The following ZC3H14 variants were observed in gnomAD, a reference collection of about 807,000 sequenced individuals.
ZC3H14 encodes zinc finger CCCH domain-containing protein 14.
Under a neutral mutation model 92.4 loss-of-function variants are expected in ZC3H14, and 31 were observed. That is an observed-to-expected ratio of 0.34 (90% CI 0.25 to 0.45). The LOEUF (loss-of-function observed/expected upper bound fraction) is 0.45. Ranked by LOEUF, ZC3H14 falls within the 20% of genes least tolerant of loss-of-function variation. The pLI is 1.00. For synonymous variants in ZC3H14, 321 were observed against 300.9 expected, an observed-to-expected ratio of 1.07 and a Z score of -0.69; for missense variants, 781 against 897.3, an observed-to-expected ratio of 0.87 and a Z score of 1.66.
chr14:88,568,708 T>TCTTGC (rs1021280151), intron 3 of ZC3H14, among the ~76,000 whole-genome samples: 1 of 152,222 alleles, frequency 6.6e-6, no homozygotes, highest in African/African-American at 2.4e-5. Flanking sequence ...CCTGGCTGTG[T>TCTTGC]CTTGCCTTGG....
In ZC3H14 at chr14:88,616,524, G is replaced by A; in HGVS notation, c.*4773G>A. 1 of 610,808 alleles carries A rather than the reference G, an allele frequency of 1.6e-6. No individual in the cohort carries two copies. The highest frequency in any genetic ancestry group is 2.8e-6 in the Non-Finnish European group (1 of 355,710). The allele number at this position is 610,808 out of a possible 1,614,324, so 37.8% of individuals were successfully genotyped here. On this transcript the variant is annotated 3_prime_UTR_variant, in exon 17 of 17. Coordinates refer to ENST00000251038, the MANE Select transcript of ZC3H14 (RefSeq NM_024824.5). ...TGGTGAAAAGCTAATTACAGCTTTT[G>A]TAGGATGGTTCCAAAGATGGTATTA... is the stretch of plus-strand genomic sequence containing the variant.
chr14:88,567,862 T>G (rs535566127), intron 2 of ZC3H14, 177 bp from the exon 3 acceptor site: 1 of 662,670 alleles, frequency 1.5e-6, no homozygotes, highest in Admixed American at 2.1e-5. Context: ...TTCTAGTATT[T>G]GAAATACCTG....
At chr14:88,563,723 A>G (rs372731139) in intron 2 of ZC3H14, 30 bp downstream of exon 2, 3 of 1,602,006 alleles carry the variant, frequency 1.9e-6, no homozygotes, top group Non-Finnish European at 2.6e-6. Flanking sequence ...TTAGTCTTAC[A>G]GAATTTAGAG....
Position 88,625,024 on chromosome 14 carries a change from G to A in ZC3H14, c.*13273G>A, listed in dbSNP as rs1419617271. On this transcript the variant is annotated 3_prime_UTR_variant, in exon 17 of 17. Transcript: ENST00000251038. Reference sequence around the variant, plus strand: ...TCCATCTCGCAGGGTGGTGTACATGGCAAACACAGGCCCGTTGTGAGCTCT... The same window carrying A: ...TCCATCTCGCAGGGTGGTGTACATGACAAACACAGGCCCGTTGTGAGCTCT... 19 of 1,613,684 alleles carry A rather than the reference G, an allele frequency of 1.2e-5. No homozygotes were observed. The highest frequency in any genetic ancestry group is 1.5e-5 in the Non-Finnish European group (18 of 1,179,712).
intron 14 of ZC3H14, 99 bp from the exon 15 acceptor site, chr14:88,609,613 T>G: frequency 6.9e-7 from 1 of 1,459,066 alleles, no homozygotes. Flanking sequence ...CATTCTAATT[T>G]AAAAATGGTT....
At chr14:88,582,310 G>A (rs2081999025) in intron 9 of ZC3H14, among the ~76,000 whole-genome samples, 1 of 152,208 alleles carries the variant, frequency 6.6e-6, no homozygotes. Context: ...CCAGCAGTCA[G>A]TTTGCAAGAA....
chr14:88,572,111 A>G lies in ZC3H14; in HGVS notation c.317A>G (p.Asp106Gly), dbSNP rs760433767. 6.2e-7 allele frequency: 1 copy of G among 1,614,114 alleles called. No individual in the cohort carries two copies. Among genetic ancestry groups the G allele is most frequent in the Non-Finnish European group, 8.5e-7 (1 of 1,180,034 alleles). ...PSNKSNFSRG[D>G]ERRHEAAVPP... is the part of the protein sequence containing the mutation. ...AACAAGAGCAATTTCAGTCGGGGAGATGAGAGGAGGCATGAAGCTGCAGTG... is the reference window on the plus strand; with the variant it reads ...AACAAGAGCAATTTCAGTCGGGGAGGTGAGAGGAGGCATGAAGCTGCAGTG... Residue 106 changes from aspartate (D) to glycine (G), a missense_variant, in exon 5 of 17, where the codon GAT (aspartate) becomes GGT (glycine). Transcript: ENST00000251038.
chr14:88,599,719 C>T (rs1028153588), intron 10 of ZC3H14, among the ~76,000 whole-genome samples: 1 of 152,326 alleles, frequency 6.6e-6, no homozygotes. Flanking sequence ...TTTGCTCTCT[C>T]CCACCTTCAG....
rs752946288 is a variant in ZC3H14, at chr14:88,602,048, C to T, written c.1479C>T (p.Ser493=). Residue 493 remains serine, a synonymous_variant, in exon 11 of 17, where the codon TCC becomes TCT. Coordinates refer to ENST00000251038, the MANE Select transcript of ZC3H14 (RefSeq NM_024824.5). ...NQESGMKTAD[S]LRVLSGHLMQ... ...AGTCGGGGATGAAGACTGCAGATTC[C>T]CTTCGGGTACTTTCAGGACACCTTA... 6.2e-7 allele frequency: 1 copy of T among 1,614,076 alleles called. No individual in the cohort carries two copies. Among genetic ancestry groups the T allele is most frequent in the East Asian group, 2.2e-5 (1 of 44,874 alleles).
chr14:88,574,742 A>G lies in ZC3H14; in HGVS notation c.911A>G (p.Lys304Arg), dbSNP rs2080940012. 6 of 1,614,170 alleles carry G rather than the reference A, an allele frequency of 3.7e-6. No homozygotes were observed. The highest frequency in any genetic ancestry group is 5.1e-6 in the Non-Finnish European group (6 of 1,180,024). The change falls in exon 7 of 17, where the codon AAA (lysine) becomes AGA (arginine). Residue 304 changes from lysine (K) to arginine (R), a missense_variant. Physicochemically the swap from Lys to Arg is conservative, Grantham distance 26. Transcript: ENST00000251038. ...TTGCCTGTGGTAAGTTCAGTTGTTAAAGTAAAAAAATTCAATCATGATGGA... is the reference window on the plus strand; with the variant it reads ...TTGCCTGTGGTAAGTTCAGTTGTTAGAGTAAAAAAATTCAATCATGATGGA... ...RKLPVVSSVV[K>R]VKKFNHDGEE...
chr14:88,624,885 G>A lies in ZC3H14; in HGVS notation c.*13134G>A. Reference sequence around the variant, plus strand: ...AAGGTCGGAGAGGACACTCTGTGTAGCCTAGAAACAACTAGAATAATTAAC... The same window carrying A: ...AAGGTCGGAGAGGACACTCTGTGTAACCTAGAAACAACTAGAATAATTAAC... On this transcript the variant is annotated 3_prime_UTR_variant, in exon 17 of 17. Transcript: ENST00000251038. 1 of 1,486,818 alleles carries A rather than the reference G, an allele frequency of 6.7e-7. No individual in the cohort carries two copies. 92.1% of individuals were successfully genotyped at this position (1,486,818 alleles called of 1,614,324 possible).
intron 9 of ZC3H14, among the ~76,000 whole-genome samples, chr14:88,583,740 A>G (rs2082175315): frequency 6.6e-6 from 1 of 152,172 alleles, no homozygotes; most frequent in Non-Finnish European, 1.5e-5. Flanking sequence ...TGCATAATCA[A>G]GTTTATGCAT....
At chr14:88,575,227 C>T (rs373554628) in intron 7 of ZC3H14, among the ~76,000 whole-genome samples, 10 of 152,106 alleles carry the variant, frequency 6.6e-5, no homozygotes, top group Non-Finnish European at 1.0e-4. Flanking sequence ...CATGAGCCAC[C>T]GCACCTGACA....
At position 88,616,403 on chromosome 14, in the gene ZC3H14, C is replaced by T; in HGVS notation, c.*4652C>T. ...CTTTTCAGCATGAGTAGTGGATCTG[C>T]AAAACCAGGCTGTGTGGGCAGTCAG... On this transcript the variant is annotated 3_prime_UTR_variant, in exon 17 of 17. Coordinates refer to ENST00000251038, the MANE Select transcript of ZC3H14 (RefSeq NM_024824.5). The T allele has an allele frequency of 1.4e-6, 1 of 698,590 alleles. No individual in the cohort carries two copies. Among genetic ancestry groups the T allele is most frequent in the South Asian group, 1.8e-5 (1 of 54,304 alleles). The allele number at this position is 698,590 out of a possible 1,614,324, so 43.3% of individuals were successfully genotyped here.
chr14:88,572,733 A>G lies in ZC3H14; in HGVS notation c.587A>G (p.Gln196Arg), dbSNP rs1277552020. The G allele has an allele frequency of 4.3e-6, 7 of 1,614,086 alleles. No individual in the cohort carries two copies. Among genetic ancestry groups the G allele is most frequent in the Non-Finnish European group, 5.9e-6 (7 of 1,180,034 alleles). ...LNFVQENPLS[Q>R]KKPTVTLTYG... ...TTTGTGCAGGAGAATCCCTTATCTC[A>G]GAAAAAACCTACAGTGACACTTACA... Residue 196 changes from glutamine to arginine, a missense_variant, in exon 6 of 17, where the codon CAG (glutamine) becomes CGG (arginine). Transcript: ENST00000251038.
intron 9 of ZC3H14, among the ~76,000 whole-genome samples, chr14:88,587,026 T>C (rs2082548477): frequency 6.6e-6 from 1 of 152,232 alleles, no homozygotes; most frequent in Non-Finnish European, 1.5e-5. Flanking sequence ...ACTTTTCCCT[T>C]GCTTCCAAGC....
chr14:88,616,669 T>C lies in ZC3H14; in HGVS notation c.*4918T>C. 6.6e-7 allele frequency: 1 copy of C among 1,505,688 alleles called. No homozygotes were observed. 93.3% of individuals were successfully genotyped at this position (1,505,688 alleles called of 1,614,324 possible). ...TTAAATATATGGGGAAAAGTGCTGA[T>C]GATAAGACATCAAAATTAGGAGTAA... On this transcript the variant is annotated 3_prime_UTR_variant, in exon 17 of 17. Transcript: ENST00000251038.
At chr14:88,573,052 G>T (rs749553060) in intron 6 of ZC3H14, 45 bp downstream of exon 6, 14 of 1,597,632 alleles carry the variant, frequency 8.8e-6, no homozygotes, top group Non-Finnish European at 1.2e-5. Context: ...AAAATCGGCA[G>T]TTCTTGATAC....
chr14:88,585,998 T>A (rs1311116524), intron 9 of ZC3H14, among the ~76,000 whole-genome samples: 2 of 152,116 alleles, frequency 1.3e-5, no homozygotes, highest in Non-Finnish European at 2.9e-5. Flanking sequence ...TGAAACCCTG[T>A]CTCTACTAAA....
Sources: gnomAD v4.1 joint callset for allele counts (sites outside exome capture counted in the v4.1 genomes callset) on GRCh38, gnomAD v4.1.1 for gene constraint, MANE v1.5 for transcripts, NCBI Gene and HGNC (gene_info 2026-07-23, HGNC 2026-07-21) for gene names.